Variants in RPH3AL observed in about 807,000 individuals in gnomAD.
The protein encoded by RPH3AL is rab effector Noc2.
A neutral mutation model predicts 43.1 loss-of-function variants in RPH3AL; 38 were observed. That is an observed-to-expected ratio of 0.88 (90% CI 0.68 to 1.15). The LOEUF is 1.15. Ranked by LOEUF, RPH3AL falls within the 50% of genes most tolerant of loss-of-function variation. RPH3AL has a pLI of 0.00. For synonymous variants in RPH3AL, 189 were observed against 176.3 expected (o/e 1.07, Z -0.57); for missense variants, 462 against 423.2 (o/e 1.09, Z -0.81).
chr17:303,130 C>T (rs865801403), intron 5 of RPH3AL, among the ~76,000 whole-genome samples: 3 of 152,170 alleles, frequency 2.0e-5, no homozygotes, highest in South Asian at 2.1e-4. Context: ...TTAAGGTTGG[C>T]GGCTCATGCC....
At chr17:233,693 C>T (rs2041283843) in intron 7 of RPH3AL, among the ~76,000 whole-genome samples, 1 of 152,222 alleles carries the variant, frequency 6.6e-6, no homozygotes. Context: ...GGTCTGTCTT[C>T]TTTCTTTTCA....
chr17:345,817 GCTCCCCAACTGCCC>G, intron 1 of RPH3AL, among the ~76,000 whole-genome samples: 1 of 133,072 alleles, frequency 7.5e-6, no homozygotes, highest in African/African-American at 2.6e-5. Flanking sequence ...AGGCAAGCGT[GCTCCCCAACTGCCC>G]CATCTGCCCG....
At chr17:329,629 T>C (rs916271161) in intron 2 of RPH3AL, among the ~76,000 whole-genome samples, 1 of 152,248 alleles carries the variant, frequency 6.6e-6, no homozygotes, top group African/African-American at 2.4e-5. Context: ...GTTCACATAA[T>C]TTACATATTT....
chr17:260,886 G>A (rs782253235), intron 6 of RPH3AL, among the ~76,000 whole-genome samples: 1 of 152,070 alleles, frequency 6.6e-6, no homozygotes, highest in African/African-American at 2.4e-5. Context: ...TTTTGGACAC[G>A]TTGTTCCTTC....
chr17:276,418 G>A (rs9902230), intron 6 of RPH3AL, among the ~76,000 whole-genome samples: 52,376 of 151,954 alleles, frequency 0.34, 9,617 homozygotes, highest in East Asian at 0.51. Context: ...AAAGACCTCA[G>A]TGAGCCTTTC....
At chr17:295,114 G>A (rs1242054382) in intron 5 of RPH3AL, among the ~76,000 whole-genome samples, 2 of 137,624 alleles carry the variant, frequency 1.5e-5, no homozygotes, top group African/African-American at 5.6e-5. Flanking sequence ...GACGGGCAGA[G>A]GGAATGCACA....
chr17:302,710 G>A (rs1352847641), intron 5 of RPH3AL, among the ~76,000 whole-genome samples: 1 of 152,242 alleles, frequency 6.6e-6, no homozygotes, highest in East Asian at 1.9e-4. Flanking sequence ...GAAAAGGGGA[G>A]CTACAGGGAA....
intron 7 of RPH3AL, among the ~76,000 whole-genome samples, chr17:232,646 G>A (rs2041255188): frequency 6.6e-6 from 1 of 152,152 alleles, no homozygotes; most frequent in South Asian, 2.1e-4. Flanking sequence ...GGCTGGACCA[G>A]AGCCACAGAC....
intron 5 of RPH3AL, among the ~76,000 whole-genome samples, chr17:310,618 C>T (rs967000154): frequency 3.9e-5 from 6 of 152,130 alleles, no homozygotes; most frequent in Non-Finnish European, 2.9e-5. Flanking sequence ...GTGGAGGGCC[C>T]GATTCCTCAC....
chr17:325,059 G>A (rs971830563), intron 3 of RPH3AL, among the ~76,000 whole-genome samples: 6 of 151,688 alleles, frequency 4.0e-5, no homozygotes, highest in African/African-American at 9.7e-5. Context: ...GGGTTTCACC[G>A]CGTTGGTCAG....
At chr17:276,041 G>A (rs905921808) in intron 6 of RPH3AL, among the ~76,000 whole-genome samples, 41 of 152,282 alleles carry the variant, frequency 2.7e-4, no homozygotes, top group African/African-American at 9.1e-4. Context: ...AGGATGTCAC[G>A]GTTCTGTGTG....
At chr17:336,088 T>C (rs2151723671) in intron 1 of RPH3AL, 1 of 45,432 alleles carries the variant, frequency 2.2e-5, no homozygotes, top group East Asian at 7.4e-4. Flanking sequence ...AAAAGAATAC[T>C]TGCCACCGAG....
At chr17:249,477 A>T (rs535624673) in intron 6 of RPH3AL, among the ~76,000 whole-genome samples, 1 of 151,968 alleles carries the variant, frequency 6.6e-6, no homozygotes, top group Admixed American at 6.5e-5. Context: ...TCCACAGAGG[A>T]GAGGCCCATG....
At chr17:239,004 G>GA (rs1179498290) in intron 7 of RPH3AL, among the ~76,000 whole-genome samples, 1 of 152,202 alleles carries the variant, frequency 6.6e-6, no homozygotes, top group East Asian at 1.9e-4. Flanking sequence ...GGTGGAGGGG[G>GA]AGAGACATCG....
In RPH3AL at chr17:215,871, G is replaced by T. The variant is rs1014172974; in HGVS notation, c.728-69C>A. 7.9e-7 allele frequency: 1 copy of T among 1,266,506 alleles called. No homozygotes were observed. The highest frequency in any genetic ancestry group is 1.0e-6 in the Non-Finnish European group (1 of 987,442). The allele number at this position is 1,266,506 out of a possible 1,614,324, so 78.5% of individuals were successfully genotyped here. On this transcript the variant is annotated intron_variant, in intron 8 of 9. Transcript: ENST00000331302. The surrounding 1 kb of genome is among the most constrained non-coding windows in gnomAD (Gnocchi z 4.1). The stretch of plus-strand genomic sequence containing the variant: ...CGGGGTGATCTCAGTCCAGTTCCTC[G>T]TTTGGAACTCTAGATCTCTATGGGA...
chr17:316,408 G>A (rs1381041343), intron 5 of RPH3AL, among the ~76,000 whole-genome samples: 1 of 145,386 alleles, frequency 6.9e-6, no homozygotes, highest in Non-Finnish European at 1.5e-5. Flanking sequence ...TTGTCCTGTA[G>A]TCCCTGTGAC....
At chr17:329,190 A>G (rs560068409) in intron 2 of RPH3AL, among the ~76,000 whole-genome samples, 1 of 152,184 alleles carries the variant, frequency 6.6e-6, no homozygotes, top group Non-Finnish European at 1.5e-5. Flanking sequence ...ACTCATTCAC[A>G]GGCCAGACAT....
chr17:227,701 C>A (rs2041137863), intron 7 of RPH3AL, among the ~76,000 whole-genome samples: 1 of 152,178 alleles, frequency 6.6e-6, no homozygotes, highest in African/African-American at 2.4e-5. Flanking sequence ...AGCATTGCCG[C>A]CCGGCACAAG....
At chr17:310,379 G>GCCCATTCA (rs2043613374) in intron 5 of RPH3AL, among the ~76,000 whole-genome samples, 1 of 152,144 alleles carries the variant, frequency 6.6e-6, no homozygotes, top group African/African-American at 2.4e-5. Context: ...CAGGGCTCCT[G>GCCCATTCA]CTGGGGGCGC....
Sources: gnomAD v4.1 joint callset for allele counts (sites outside exome capture counted in the v4.1 genomes callset) on GRCh38, gnomAD v4.1.1 for gene constraint, Gnocchi (gnomAD v3.1) non-coding constraint, MANE v1.5 for transcripts, NCBI Gene and HGNC (gene_info 2026-07-23, HGNC 2026-07-21) for gene names.